The following JAKMIP2 variants were observed in gnomAD, a reference collection of about 807,000 sequenced individuals.
The protein encoded by JAKMIP2 is janus kinase and microtubule-interacting protein 2.
JAKMIP2 carries 25 observed loss-of-function variants against 115.0 expected under a neutral mutation model. The ratio of observed to expected loss-of-function variants is 0.22; its 90% CI spans 0.16 to 0.30. JAKMIP2 has a LOEUF of 0.30. Ranked by LOEUF, JAKMIP2 falls within the 10% of genes least tolerant of loss-of-function variation. JAKMIP2 has a pLI of 1.00. For missense variants in JAKMIP2, 642 were observed against 957.6 expected (o/e 0.67, Z 4.35); for synonymous variants, 334 against 343.6 (o/e 0.97, Z 0.31).
chr5:147,617,850 C>G (rs1756663430), intron 19 of JAKMIP2, 61 bp downstream of exon 19: 1 of 1,309,306 alleles, frequency 7.6e-7, no homozygotes, highest in African/African-American at 1.5e-5. Context: ...TACCGTGTAC[C>G]TAGTACTAAG....
intron 15 of JAKMIP2, 66 bp from the exon 16 acceptor site, chr5:147,628,882 TCTGA>T: frequency 2.7e-6 from 3 of 1,124,756 alleles, no homozygotes; most frequent in South Asian, 1.3e-5. Context: ...GAAAATACTG[TCTGA>T]CTGACTGCTA....
intron 10 of JAKMIP2, 114 bp from the exon 11 acceptor site, chr5:147,637,162 G>C (rs1757653492): frequency 9.9e-6 from 7 of 705,418 alleles, no homozygotes; most frequent in Non-Finnish European, 2.5e-6. Flanking sequence ...AATTTTCTAT[G>C]ACAAAAGAAT....
chr5:147,694,755 T>C (rs1033120365), intron 1 of JAKMIP2, among the ~76,000 whole-genome samples: 21 of 152,208 alleles, frequency 1.4e-4, no homozygotes, highest in Admixed American at 7.8e-4. Context: ...ATAGCCAGAA[T>C]TCATCTTTGA....
intron 16 of JAKMIP2, among the ~76,000 whole-genome samples, chr5:147,624,714 G>A (rs541743831): frequency 2.6e-5 from 4 of 152,242 alleles, no homozygotes; most frequent in African/African-American, 9.6e-5. Context: ...CAAGTTAAAT[G>A]TCAGCTTATA....
intron 21 of JAKMIP2, among the ~76,000 whole-genome samples, chr5:147,592,090 G>C (rs565689573): frequency 4.6e-5 from 7 of 152,124 alleles, no homozygotes; most frequent in Non-Finnish European, 8.8e-5. Context: ...AAATGTGCAG[G>C]TTGGTTACAT....
intron 1 of JAKMIP2, among the ~76,000 whole-genome samples, chr5:147,709,428 A>G (rs548978911): frequency 6.6e-6 from 1 of 152,332 alleles, no homozygotes; most frequent in East Asian, 1.9e-4. Context: ...AAAAACACCT[A>G]TATAAATATG....
intron 2 of JAKMIP2, among the ~76,000 whole-genome samples, chr5:147,666,774 G>C (rs1759317620): frequency 6.6e-6 from 1 of 152,150 alleles, no homozygotes; most frequent in African/African-American, 2.4e-5. Context: ...TTTCTCATCT[G>C]AAAACTGGGA....
At chr5:147,643,949 T>G in intron 7 of JAKMIP2, 109 bp downstream of exon 7, 1 of 788,250 alleles carries the variant, frequency 1.3e-6, no homozygotes, top group Non-Finnish European at 1.9e-6. Context: ...ATTTAACATA[T>G]GAACTTGGGC....
intron 1 of JAKMIP2, among the ~76,000 whole-genome samples, chr5:147,729,398 G>GAC (rs1228656055): frequency 6.6e-6 from 1 of 152,076 alleles, no homozygotes; most frequent in Admixed American, 6.5e-5. Context: ...GGCAGGGGAG[G>GAC]ACAGAAAAAT....
At chr5:147,645,678 T>C (rs1444289059) in intron 5 of JAKMIP2, among the ~76,000 whole-genome samples, 3 of 152,154 alleles carry the variant, frequency 2.0e-5, no homozygotes, top group Non-Finnish European at 2.9e-5. Context: ...AAAGCAGGGT[T>C]TCTCAGTCTC....
chr5:147,704,147 G>C (rs917509211), intron 1 of JAKMIP2, among the ~76,000 whole-genome samples: 2 of 152,126 alleles, frequency 1.3e-5, no homozygotes, highest in Admixed American at 6.6e-5. Flanking sequence ...TTATATTTAA[G>C]TGGAAGGAGT....
At chr5:147,672,998 C>T (rs1369508641) in intron 1 of JAKMIP2, among the ~76,000 whole-genome samples, 1 of 152,108 alleles carries the variant, frequency 6.6e-6, no homozygotes, top group African/African-American at 2.4e-5. Flanking sequence ...AATGGGAAAG[C>T]TATTGAAGTT....
intron 1 of JAKMIP2, among the ~76,000 whole-genome samples, 156 bp from the exon 2 acceptor site, chr5:147,672,110 T>C (rs1759636323): frequency 6.6e-6 from 1 of 151,644 alleles, no homozygotes; most frequent in Admixed American, 6.6e-5. Context: ...TTTAGAGTGA[T>C]TTTTTTTTCA....
chr5:147,659,093 G>GAAA (rs34795261), intron 3 of JAKMIP2, among the ~76,000 whole-genome samples: 2,079 of 143,168 alleles, frequency 0.015, 56 homozygotes, highest in East Asian at 0.12. Flanking sequence ...GCTGGAGTAT[G>GAAA]AAAAAAAAAA....
rs1239314226 is a variant in JAKMIP2 at position 147,715,966 on chromosome 5, G to A, written c.-148-44012C>T. ...CCACTAACTCGTCATCTAGCATTAG[G>A]TATATCTCCCAATGCTATCCCTCCC... On this transcript the variant is annotated intron_variant, in intron 1 of 21. Coordinates refer to ENST00000616793, the MANE Select transcript of JAKMIP2 (RefSeq NM_001270941.2). Among the ~76,000 whole-genome samples the A allele has an allele frequency of 2.9e-5, 4 of 138,274 alleles. No homozygotes were observed. In the South Asian group the frequency reaches 7.5e-4, roughly 26 times the overall value. 90.7% of individuals were successfully genotyped at this position (138,274 alleles called of 152,430 possible).
At chr5:147,601,687 C>T (rs1755709015) in intron 21 of JAKMIP2, 54 bp downstream of exon 21, 3 of 1,291,058 alleles carry the variant, frequency 2.3e-6, no homozygotes, top group Admixed American at 5.6e-5. Flanking sequence ...AGGTAACATC[C>T]TTTTTATCAA....
At chr5:147,749,275 T>C (rs1472175234) in intron 1 of JAKMIP2, among the ~76,000 whole-genome samples, 1 of 152,206 alleles carries the variant, frequency 6.6e-6, no homozygotes, top group Admixed American at 6.5e-5. Context: ...GAATATTTAC[T>C]ATGTGCCAGG....
At chr5:147,616,108 A>G (rs1229780806) in intron 19 of JAKMIP2, among the ~76,000 whole-genome samples, 1 of 152,152 alleles carries the variant, frequency 6.6e-6, no homozygotes, top group Non-Finnish European at 1.5e-5. Flanking sequence ...GAGAGAGAAG[A>G]GAAGTAAGGA....
chr5:147,720,776 T>G (rs1345497512), intron 1 of JAKMIP2, among the ~76,000 whole-genome samples: 2 of 150,820 alleles, frequency 1.3e-5, no homozygotes, highest in Non-Finnish European at 3.0e-5. Flanking sequence ...GTTTTCAACT[T>G]CTTTGCCTTT....
Sources: allele counts gnomAD v4.1 joint callset (sites outside exome capture counted in the v4.1 genomes callset), GRCh38; gene constraint gnomAD v4.1.1; transcripts MANE v1.5; gene names NCBI Gene and HGNC (gene_info 2026-07-23, HGNC 2026-07-21).